Variants in AGO3 observed in about 807,000 individuals in gnomAD.
The protein encoded by AGO3 is protein argonaute-3.
Under a neutral mutation model 105.5 loss-of-function variants are expected in AGO3, and 16 were observed. That is an observed-to-expected ratio of 0.15 (90% CI 0.10 to 0.23). The LOEUF is 0.23. Ranked by LOEUF, AGO3 falls within the 10% of genes least tolerant of loss-of-function variation. The pLI is 1.00. For synonymous variants in AGO3, 340 were observed against 367.3 expected, an observed-to-expected ratio of 0.93 and a Z score of 0.85; for missense variants, 534 against 1,088.0, an observed-to-expected ratio of 0.49 and a Z score of 7.16.
At chr1:35,954,697 T>C (rs1646533367) in intron 2 of AGO3, among the ~76,000 whole-genome samples, 1 of 152,226 alleles carries the variant, frequency 6.6e-6, no homozygotes, top group Non-Finnish European at 1.5e-5. Context: ...TAAAACATGA[T>C]CTCTTTAAAG....
At chr1:36,043,278 T>C (rs1642325517) in intron 16 of AGO3, 169 bp from the exon 17 acceptor site, 3 of 587,082 alleles carry the variant, frequency 5.1e-6, no homozygotes, top group Admixed American at 6.7e-5. Flanking sequence ...CATGTAAGAA[T>C]AGGAACTAGG....
chr1:36,004,193 A>G (rs1389440576), intron 5 of AGO3, 148 bp from the exon 6 acceptor site: 12 of 718,818 alleles, frequency 1.7e-5, no homozygotes, highest in Non-Finnish European at 2.3e-5. Context: ...GGTCAAATTA[A>G]AACTGCTTAA....
chr1:35,988,424 C>T (rs1202035452), intron 5 of AGO3, among the ~76,000 whole-genome samples: 1 of 152,068 alleles, frequency 6.6e-6, no homozygotes, highest in African/African-American at 2.4e-5. Context: ...ATGCTTTGAC[C>T]AACATCTCAC....
intron 9 of AGO3, among the ~76,000 whole-genome samples, chr1:36,010,182 GC>G (rs1553166625): frequency 6.6e-6 from 1 of 151,706 alleles, no homozygotes; most frequent in Non-Finnish European, 1.5e-5. Context: ...TTTGTGATCC[GC>G]CCGCCTCGGC....
intron 17 of AGO3, 89 bp from the exon 18 acceptor site, chr1:36,054,857 G>A: frequency 7.8e-7 from 1 of 1,280,332 alleles, no homozygotes; most frequent in Non-Finnish European, 1.1e-6. Flanking sequence ...ACTTCAGCCT[G>A]GGTGACAGAG....
chr1:36,013,446 C>A, intron 9 of AGO3, 184 bp from the exon 10 acceptor site: 2 of 662,944 alleles, frequency 3.0e-6, no homozygotes, highest in Non-Finnish European at 4.9e-6. Flanking sequence ...AGAATTTCTG[C>A]AGTCCATTCA....
At chr1:35,979,214 A>G (rs1359106998) in intron 5 of AGO3, among the ~76,000 whole-genome samples, 1 of 152,112 alleles carries the variant, frequency 6.6e-6, no homozygotes, top group Non-Finnish European at 1.5e-5. Flanking sequence ...AATACAAAAA[A>G]TTAGCCGGGC....
chr1:36,048,492 AACAGAT>A (rs1642568750), intron 17 of AGO3, among the ~76,000 whole-genome samples: 1 of 152,192 alleles, frequency 6.6e-6, no homozygotes, highest in Non-Finnish European at 1.5e-5. Flanking sequence ...TCACTGGTAG[AACAGAT>A]ACACAAGAAA....
Position 36,004,919 on chromosome 1 carries a change from AGCC to A in AGO3, c.793+445_793+447del, listed in dbSNP as rs1640268611. ...TTTAAAAACGTATAAATGTGGGGCT[AGCC>A]TGTTTCATGTGTTGTTCTAGAATTA... is the stretch of plus-strand genomic sequence containing the variant. On this transcript the variant is annotated intron_variant, in intron 6 of 18. Transcript: ENST00000373191. 2.0e-5 allele frequency among the ~76,000 whole-genome samples: 3 copies of A among 152,236 alleles called. 1 individual carries two copies. Among genetic ancestry groups the A allele is most frequent in the Non-Finnish European group, 4.4e-5 (3 of 67,976 alleles).
chr1:36,039,519 G>C (rs935793865), intron 14 of AGO3, among the ~76,000 whole-genome samples: 1 of 144,726 alleles, frequency 6.9e-6, no homozygotes, highest in Non-Finnish European at 1.5e-5. Flanking sequence ...AAAAAAAAGA[G>C]AGAAAGAGAG....
chr1:36,013,040 G>A (rs183314568), intron 9 of AGO3, among the ~76,000 whole-genome samples: 4 of 151,966 alleles, frequency 2.6e-5, no homozygotes, highest in East Asian at 1.9e-4. Flanking sequence ...AGGCTCAAGC[G>A]ATTCTCTCAC....
chr1:36,012,333 AAAAG>A (rs1216758452), intron 9 of AGO3, among the ~76,000 whole-genome samples: 2 of 151,816 alleles, frequency 1.3e-5, no homozygotes, highest in East Asian at 3.9e-4. Context: ...AAAAAAAAAA[AAAAG>A]AAAAGAAAAG....
intron 2 of AGO3, among the ~76,000 whole-genome samples, chr1:35,955,340 AT>A (rs1646544590): frequency 6.6e-6 from 1 of 152,242 alleles, no homozygotes; most frequent in Non-Finnish European, 1.5e-5. Context: ...TGACCAAAAA[AT>A]ACATATAGAT....
At chr1:36,037,605 A>T (rs1000944105) in intron 14 of AGO3, among the ~76,000 whole-genome samples, 4 of 152,222 alleles carry the variant, frequency 2.6e-5, no homozygotes, top group Admixed American at 2.0e-4. Context: ...GATAAATCTA[A>T]TTCATCCCTG....
chr1:35,996,141 C>A (rs1173273644), intron 5 of AGO3, among the ~76,000 whole-genome samples: 1 of 151,814 alleles, frequency 6.6e-6, no homozygotes, highest in Non-Finnish European at 1.5e-5. Context: ...GTGTTTGAGA[C>A]CAGCCTGGGC....
chr1:35,972,856 ATTT>A (rs1165696072), intron 4 of AGO3, among the ~76,000 whole-genome samples: 3 of 122,884 alleles, frequency 2.4e-5, no homozygotes, highest in Non-Finnish European at 5.0e-5. Flanking sequence ...TTAAAAAAAA[ATTT>A]TTTTTTTTTT....
chr1:36,056,632 TGA>T lies in AGO3; in HGVS notation c.*891_*892del, dbSNP rs2148866746. 1 of 152,300 alleles carries T rather than the reference TGA, an allele frequency of 6.6e-6. No homozygotes were observed. The highest frequency in any genetic ancestry group is 6.5e-5 in the Admixed American group (1 of 15,302). 9.4% of individuals were successfully genotyped at this position (152,300 alleles called of 1,614,324 possible). On this transcript the variant is annotated 3_prime_UTR_variant, in exon 19 of 19. Coordinates refer to ENST00000373191, the MANE Select transcript of AGO3 (RefSeq NM_024852.4). The stretch of plus-strand genomic sequence containing the variant: ...TATATATACATAAAATAACTTTCTG[TGA>T]GAGTGCGTCTCTCCCCTCCCACTCA...
chr1:36,035,441 C>T (rs1274027064), intron 13 of AGO3, among the ~76,000 whole-genome samples: 1 of 152,016 alleles, frequency 6.6e-6, no homozygotes, highest in Non-Finnish European at 1.5e-5. Flanking sequence ...AAAGGAAGTC[C>T]TAGCTTCCTT....
chr1:36,048,466 A>G lies in AGO3; in HGVS notation c.2274+4918A>G, dbSNP rs577515005. On this transcript the variant is annotated intron_variant, in intron 17 of 18. Coordinates refer to ENST00000373191, the MANE Select transcript of AGO3 (RefSeq NM_024852.4). The stretch of plus-strand genomic sequence containing the variant: ...AAAAGTCAATAATCATTATTATGGA[A>G]ACAACAGTATAAAACTCACTGGTAG... Among the ~76,000 whole-genome samples the G allele has an allele frequency of 2.0e-4, 31 of 152,278 alleles. 1 individual carries two copies. Among genetic ancestry groups the G allele is most frequent in the African/African-American group, 7.0e-4 (29 of 41,552 alleles).
Sources: allele counts gnomAD v4.1 joint callset (sites outside exome capture counted in the v4.1 genomes callset), GRCh38; gene constraint gnomAD v4.1.1; transcripts MANE v1.5; gene names NCBI Gene and HGNC (gene_info 2026-07-23, HGNC 2026-07-21).